Variants in RBFOX1 observed in about 807,000 individuals in gnomAD.
RBFOX1 encodes RNA binding fox-1 homolog 1.
RBFOX1 carries 8 observed loss-of-function variants against 57.7 expected under a neutral mutation model. The ratio of observed to expected loss-of-function variants is 0.14; its 90% CI spans 0.08 to 0.25. The LOEUF is 0.25. RBFOX1 is among the 10% of genes least tolerant of loss of function. The probability of loss-of-function intolerance (pLI) is 1.00; values close to 1 mark genes in which losing one functional copy is unlikely to be tolerated. For missense variants in RBFOX1, 611 were observed against 548.5 expected, an observed-to-expected ratio of 1.11 and a Z score of -1.14; for synonymous variants, 326 against 222.4, an observed-to-expected ratio of 1.47 and a Z score of -4.15.
At chr16:5,787,790 A>G (rs2054556051) in intron 3 of RBFOX1, among the ~76,000 whole-genome samples, 1 of 152,346 alleles carries the variant, frequency 6.6e-6, no homozygotes, top group East Asian at 1.9e-4. Flanking sequence ...TCATTTCCCA[A>G]GGTGTTCCTG....
At chr16:5,428,223 T>G (rs1189604320) in intron 1 of RBFOX1, among the ~76,000 whole-genome samples, 2 of 152,108 alleles carry the variant, frequency 1.3e-5, no homozygotes, top group East Asian at 1.9e-4. Flanking sequence ...GGCAGAAATG[T>G]ACCCCAGGCA....
At chr16:6,505,903 C>A (rs1004438925) in intron 2 of RBFOX1, among the ~76,000 whole-genome samples, 1 of 152,144 alleles carries the variant, frequency 6.6e-6, no homozygotes, top group Non-Finnish European at 1.5e-5. Context: ...GACAGAGAAC[C>A]TGTTACCTAG....
At chr16:6,945,422 T>G (rs897328230) in intron 3 of RBFOX1, among the ~76,000 whole-genome samples, 3 of 152,132 alleles carry the variant, frequency 2.0e-5, no homozygotes, top group Non-Finnish European at 4.4e-5. Context: ...GGAATGTAGA[T>G]CCAATGGTGC....
At chr16:7,285,075 CTTTTTTTTTTT>C (rs58959488) in intron 4 of RBFOX1, among the ~76,000 whole-genome samples, 109 of 42,734 alleles carry the variant, frequency 2.6e-3, no homozygotes, top group African/African-American at 8.2e-3. Flanking sequence ...AGATTCCTTA[CTTTTTTTTTTT>C]TTTTTTTTTT....
At chr16:7,528,836 TTC>T (rs1484315368) in intron 5 of RBFOX1, among the ~76,000 whole-genome samples, 1 of 152,242 alleles carries the variant, frequency 6.6e-6, no homozygotes, top group Non-Finnish European at 1.5e-5. Flanking sequence ...AAGTTGGCTA[TTC>T]TCTGTTGACA....
chr16:6,836,591 A>C (rs2093115345), intron 3 of RBFOX1, among the ~76,000 whole-genome samples: 1 of 152,162 alleles, frequency 6.6e-6, no homozygotes, highest in Admixed American at 6.5e-5. Flanking sequence ...ATCATCTTTC[A>C]AGACTTGGCT....
chr16:5,745,212 G>T lies in RBFOX1; in HGVS notation c.319-122091G>T, dbSNP rs563832447. On this transcript the variant is annotated intron_variant, in intron 3 of 19. Coordinates refer to the RBFOX1 transcript ENST00000641259. ...CAGTGTTTGGTTTTTTGTCCTTTGC[G>T]ATAGTTTGCTGAGAATGATGGTTTC... 5.9e-5 allele frequency among the ~76,000 whole-genome samples: 9 copies of T among 152,184 alleles called. No individual in the cohort carries two copies. In the East Asian group the frequency reaches 1.7e-3, roughly 29 times the overall value.
intron 4 of RBFOX1, among the ~76,000 whole-genome samples, chr16:7,066,697 C>G (rs1053354159): frequency 3.3e-5 from 5 of 152,158 alleles, no homozygotes; most frequent in Admixed American, 6.5e-5. Flanking sequence ...GGTCCTTCCA[C>G]AGTCAGGACT....
At chr16:7,116,855 A>T (rs752770612) in intron 4 of RBFOX1, among the ~76,000 whole-genome samples, 23 of 152,150 alleles carry the variant, frequency 1.5e-4, no homozygotes, top group Non-Finnish European at 2.2e-4. Flanking sequence ...AGGGTTTTGC[A>T]GTCTCGTGGG....
chr16:6,998,669 C>G (rs1383411616), intron 3 of RBFOX1, among the ~76,000 whole-genome samples: 2 of 151,976 alleles, frequency 1.3e-5, no homozygotes, highest in Non-Finnish European at 2.9e-5. Context: ...GTTCCTTTCC[C>G]TCAGACTATT....
At chr16:5,544,772 C>G (rs2045114072) in intron 2 of RBFOX1, among the ~76,000 whole-genome samples, 1 of 151,882 alleles carries the variant, frequency 6.6e-6, no homozygotes, top group Non-Finnish European at 1.5e-5. Flanking sequence ...CAACTTTATG[C>G]TCATAAATTT....
intron 4 of RBFOX1, among the ~76,000 whole-genome samples, chr16:7,232,516 G>A (rs567302396): frequency 1.9e-3 from 282 of 152,188 alleles, no homozygotes; most frequent in Middle Eastern, 6.8e-3. Context: ...TTGTACCCAC[G>A]TAATTCTTAT....
chr16:5,842,121 G>C (rs184331467), intron 3 of RBFOX1, among the ~76,000 whole-genome samples: 3 of 152,296 alleles, frequency 2.0e-5, no homozygotes, highest in Non-Finnish European at 2.9e-5. Flanking sequence ...GCCTGGAAGA[G>C]TGAGAAGGAA....
At chr16:5,374,210 T>C (rs1301372935) in intron 1 of RBFOX1, among the ~76,000 whole-genome samples, 1 of 152,244 alleles carries the variant, frequency 6.6e-6, no homozygotes, top group Admixed American at 6.5e-5. Context: ...AGTGCTGGAA[T>C]TACAGGCGTG....
chr16:6,196,270 C>T (rs1368712744), intron 1 of RBFOX1, among the ~76,000 whole-genome samples: 2 of 152,112 alleles, frequency 1.3e-5, no homozygotes, highest in African/African-American at 4.8e-5. Context: ...TTTTTTTACC[C>T]CTGCACCAGA....
intron 4 of RBFOX1, among the ~76,000 whole-genome samples, chr16:7,504,755 T>TATATTTATA (rs2072480043): frequency 1.0e-4 from 1 of 10,002 alleles, no homozygotes; most frequent in African/African-American, 5.1e-4. Flanking sequence ...ATATATATAT[T>TATATTTATA]TATATATATA....
chr16:5,901,503 T>C lies in RBFOX1; in HGVS notation c.351+34168T>C, dbSNP rs898057113. 2.6e-5 allele frequency among the ~76,000 whole-genome samples: 4 copies of C among 152,190 alleles called. No individual in the cohort carries two copies. In the South Asian group the frequency reaches 8.3e-4, roughly 31 times the overall value. On this transcript the variant is annotated intron_variant, in intron 4 of 19. Transcript: ENST00000641259. ...CTATAATTTCCCTTCACACCTTTGC[T>C]AGCCAATATGGTAGCCACTCAATGC...
Position 6,478,750 on chromosome 16 carries a change from G to A in RBFOX1, c.-64+161693G>A, listed in dbSNP as rs140805308. ...GGAGAGGGAGCGAGCAGGGGGAATG[G>A]CCTGTCAGTGGAACAGTCAGAACAC... On this transcript the variant is annotated intron_variant, in intron 2 of 15. Coordinates refer to ENST00000550418, the MANE Select transcript of RBFOX1 (RefSeq NM_018723.4). Among the ~76,000 whole-genome samples the A allele has an allele frequency of 1.2e-3, 183 of 152,070 alleles. 1 individual carries two copies. The highest frequency in any genetic ancestry group is 4.1e-3 in the African/African-American group (172 of 41,484).
At position 6,424,767 on chromosome 16, in the gene RBFOX1, T is replaced by A. The variant is rs111777106; in HGVS notation, c.-64+107710T>A. 1.1e-3 allele frequency among the ~76,000 whole-genome samples: 169 copies of A among 152,260 alleles called. 1 individual carries two copies. Among genetic ancestry groups the A allele is most frequent in the African/African-American group, 3.9e-3 (160 of 41,552 alleles). The stretch of plus-strand genomic sequence containing the variant: ...TGGAAAGACATGTAATAATTCCTCT[T>A]CTAAGATGAAATGACGTTGCAACCA... On this transcript the variant is annotated intron_variant, in intron 2 of 15. Transcript: ENST00000550418.
Sources: allele counts gnomAD v4.1 joint callset (sites outside exome capture counted in the v4.1 genomes callset), GRCh38; gene constraint gnomAD v4.1.1; transcripts MANE v1.5; gene names NCBI Gene and HGNC (gene_info 2026-07-23, HGNC 2026-07-21).